Variants in DMD observed in about 807,000 individuals in gnomAD.
DMD encodes the protein dystrophin, also known as mutant dystrophin.
Under a neutral mutation model 330.1 loss-of-function variants are expected in DMD, and 63 were observed. The observed-to-expected ratio is 0.19, with a 90% CI of 0.16 to 0.24. DMD has a LOEUF of 0.24. Among genes scored for constraint, DMD ranks in the 10% least tolerant of loss-of-function variants. DMD has a pLI of 1.00. For synonymous variants in DMD, 1,223 were observed against 959.8 expected, an observed-to-expected ratio of 1.27 and a Z score of -5.07; for missense variants, 3,344 against 2,684.1, an observed-to-expected ratio of 1.25 and a Z score of -5.43.
intron 60 of DMD, among the ~76,000 whole-genome samples, chrX:31,382,195 T>C (rs2060215989): frequency 9.0e-6 from 1 of 111,681 alleles, no homozygotes; most frequent in African/African-American, 3.3e-5. Flanking sequence ...TAAAAAGGAC[T>C]GGACAATACT....
intron 9 of DMD, among the ~76,000 whole-genome samples, chrX:32,653,573 G>A (rs756432625): frequency 8.9e-6 from 1 of 111,946 alleles, no homozygotes; most frequent in African/African-American, 3.2e-5. Context: ...TTGTAGTATA[G>A]TTTAAAATCA....
intron 1 of DMD, among the ~76,000 whole-genome samples, chrX:33,119,251 TAC>T (rs1429470541): frequency 7.1e-5 from 8 of 111,935 alleles, no homozygotes; most frequent in East Asian, 2.8e-4. Flanking sequence ...TATATATATA[TAC>T]ACACACACAC....
intron 7 of DMD, among the ~76,000 whole-genome samples, chrX:32,809,151 C>CT (rs1416559029): frequency 3.6e-5 from 4 of 111,497 alleles, no homozygotes; most frequent in Non-Finnish European, 7.5e-5. Flanking sequence ...GCTGATTACT[C>CT]TATCAAATCT....
intron 7 of DMD, among the ~76,000 whole-genome samples, chrX:32,772,791 C>CAA (rs2073749000): frequency 8.9e-6 from 1 of 111,775 alleles, no homozygotes; most frequent in Non-Finnish European, 1.9e-5. Context: ...CCCCCTATAT[C>CAA]AAGCAAGAGT....
intron 41 of DMD, among the ~76,000 whole-genome samples, chrX:32,328,689 CA>C (rs534540235): frequency 2.9e-3 from 256 of 88,513 alleles, no homozygotes; most frequent in African/African-American, 7.7e-3. Context: ...AACAACATTA[CA>C]AAAAAAAAAA....
intron 48 of DMD, among the ~76,000 whole-genome samples, chrX:31,848,886 GA>G (rs909269340): frequency 3.0e-4 from 31 of 103,212 alleles, no homozygotes; most frequent in Admixed American, 2.3e-3. Context: ...AAAAGAGGTA[GA>G]AAAAAAAAAC....
chrX:33,062,264 T>A (rs1199835261), intron 1 of DMD, among the ~76,000 whole-genome samples: 1 of 111,784 alleles, frequency 8.9e-6, no homozygotes. Flanking sequence ...TGAATAATCA[T>A]CTTTGGCAAT....
chrX:32,067,823 G>C (rs777982001), intron 44 of DMD, among the ~76,000 whole-genome samples: 1 of 112,167 alleles, frequency 8.9e-6, no homozygotes, highest in African/African-American at 3.2e-5. Flanking sequence ...ACATGTGAGT[G>C]CATGTGTCTT....
chrX:33,304,201 C>A (rs1324534354), intron 1 of DMD, among the ~76,000 whole-genome samples: 3 of 111,426 alleles, frequency 2.7e-5, no homozygotes, highest in Admixed American at 9.6e-5. Context: ...CAGCATGGTA[C>A]TGGTACCAAA....
chrX:32,977,012 C>T (rs1044189592), intron 2 of DMD, among the ~76,000 whole-genome samples: 2 of 111,661 alleles, frequency 1.8e-5, no homozygotes, highest in Admixed American at 1.9e-4. Context: ...ACACGGTAGC[C>T]TGGCGTGGTG....
intron 52 of DMD, among the ~76,000 whole-genome samples, chrX:31,718,013 G>A (rs1449669491): frequency 9.0e-6 from 1 of 111,250 alleles, no homozygotes; most frequent in Non-Finnish European, 1.9e-5. Context: ...CCTTTGTAGG[G>A]GACCCCCAAT....
Position 31,200,653 on chromosome X carries a change from T to C in DMD, c.9807+3308A>G, listed in dbSNP as rs188157219. On this transcript the variant is annotated intron_variant, in intron 67 of 78. Transcript: ENST00000357033. Reference sequence around the variant, plus strand: ...GAGTAGGAAAGGTCTGAGAGTTAAATAGAGGAATTAGGATTTGTTCACTAG... The same window carrying C: ...GAGTAGGAAAGGTCTGAGAGTTAAACAGAGGAATTAGGATTTGTTCACTAG... Among the ~76,000 whole-genome samples the C allele has an allele frequency of 2.9e-3, 322 of 111,436 alleles. 1 individual carries two copies. Among genetic ancestry groups the C allele is most frequent in the Non-Finnish European group, 4.8e-3 (257 of 53,055 alleles).
At chrX:32,034,820 C>A (rs2095927843) in intron 44 of DMD, among the ~76,000 whole-genome samples, 1 of 111,271 alleles carries the variant, frequency 9.0e-6, no homozygotes, top group African/African-American at 3.3e-5. Flanking sequence ...GCTATTTTCA[C>A]CAATTAATTT....
intron 2 of DMD, among the ~76,000 whole-genome samples, chrX:32,887,848 AAAAAT>A (rs1399021527): frequency 9.1e-6 from 1 of 109,397 alleles, no homozygotes; most frequent in East Asian, 2.8e-4. Flanking sequence ...CATAGGCAAC[AAAAAT>A]AAAAATAGAC....
intron 37 of DMD, among the ~76,000 whole-genome samples, chrX:32,355,887 T>C (rs775523894): frequency 1.0e-4 from 11 of 110,532 alleles, no homozygotes; most frequent in Non-Finnish European, 1.9e-4. Context: ...AAAATGAATA[T>C]CTATATACCT....
At chrX:32,561,420 A>G (rs932402889) in intron 16 of DMD, among the ~76,000 whole-genome samples, 3 of 111,781 alleles carry the variant, frequency 2.7e-5, no homozygotes, top group South Asian at 3.7e-4. Context: ...CTTGAAGACT[A>G]TCTTGCTGAA....
At chrX:33,062,756 C>T (rs1233738058) in intron 1 of DMD, among the ~76,000 whole-genome samples, 3 of 112,825 alleles carry the variant, frequency 2.7e-5, no homozygotes, top group African/African-American at 6.4e-5. Context: ...GGATAACAGG[C>T]GTGCGCCATT....
At chrX:32,660,550 A>T (rs893818759) in intron 9 of DMD, among the ~76,000 whole-genome samples, 6 of 111,614 alleles carry the variant, frequency 5.4e-5, no homozygotes, top group African/African-American at 1.9e-4. Flanking sequence ...TGACCTATTT[A>T]TAATGGGACT....
At chrX:32,410,427 A>G (rs1476901935) in intron 30 of DMD, among the ~76,000 whole-genome samples, 1 of 112,164 alleles carries the variant, frequency 8.9e-6, no homozygotes, top group Non-Finnish European at 1.9e-5. Flanking sequence ...ACAATATGGT[A>G]AATTAACTCA....
Sources: gnomAD v4.1 joint callset for allele counts (sites outside exome capture counted in the v4.1 genomes callset) on GRCh38, gnomAD v4.1.1 for gene constraint, MANE v1.5 for transcripts, NCBI Gene and HGNC (gene_info 2026-07-23, HGNC 2026-07-21) for gene names.